The following PLIN2 variants were observed in gnomAD, a reference collection of about 807,000 sequenced individuals.
The protein encoded by PLIN2 is perilipin-2.
A neutral mutation model predicts 30.6 loss-of-function variants in PLIN2; 33 were observed. The observed-to-expected ratio is 1.08, with a 90% CI of 0.82 to 1.44. PLIN2 has a LOEUF of 1.44. Among genes scored for constraint, PLIN2 ranks in the 40% most tolerant of loss-of-function variants. The pLI is 0.00. For missense variants in PLIN2, 610 were observed against 531.8 expected, an observed-to-expected ratio of 1.15 and a Z score of -1.45; for synonymous variants, 205 against 201.1, an observed-to-expected ratio of 1.02 and a Z score of -0.16.
Position 19,120,956 on chromosome 9 carries a change from G to T in PLIN2, c.519C>A (p.Ser173Arg). The T allele has an allele frequency of 6.2e-7, 1 of 1,614,056 alleles. No individual in the cohort carries two copies. Among genetic ancestry groups the T allele is most frequent in the South Asian group, 1.1e-5 (1 of 91,080 alleles). ...TGGTGAGTGCATTTTCTACGCCACT[G>T]CTCACGAGCTGCATCATCCGACTCC... ...VLGSRMMQLV[S>R]SGVENALTKS... is the part of the protein sequence containing the mutation. The change falls in exon 5 of 8, where the codon AGC becomes AGA. Residue 173 changes from serine (S) to arginine (R), a missense_variant. By Grantham distance (110) the Ser-to-Arg change is moderately radical (BLOSUM62 -1). Coordinates refer to ENST00000276914, the MANE Select transcript of PLIN2 (RefSeq NM_001122.4).
At chr9:19,119,595 G>C (rs1213653733) in intron 6 of PLIN2, 55 bp downstream of exon 6, 1 of 1,011,548 alleles carries the variant, frequency 9.9e-7, no homozygotes, top group Non-Finnish European at 1.4e-6. Flanking sequence ...TTTAATTCTT[G>C]GGCCTAGAGA....
At position 19,120,247 on chromosome 9, in the gene PLIN2, C is replaced by T. The variant is rs1044261401; in HGVS notation, c.596-416G>A. The stretch of plus-strand genomic sequence containing the variant: ...CTAATTTTTGTGTTTTTTAGGGTTT[C>T]GCCATGTTGCCCAGGCTAATCTCAA... On this transcript the variant is annotated intron_variant, in intron 5 of 7. Transcript: ENST00000276914. Among the ~76,000 whole-genome samples, 17 of 151,806 alleles carry T rather than the reference C, an allele frequency of 1.1e-4. 1 individual carries two copies. The highest frequency in any genetic ancestry group is 1.5e-4 in the Non-Finnish European group (10 of 67,964).
At chr9:19,126,488 C>T in intron 1 of PLIN2, 40 bp from the exon 2 acceptor site, 2 of 1,318,318 alleles carry the variant, frequency 1.5e-6, no homozygotes, top group Non-Finnish European at 2.2e-6. Context: ...CGGGATAAGA[C>T]TCTCCCAAAT....
chr9:19,115,204 C>T (rs1277910577), downstream of PLIN2, among the ~76,000 whole-genome samples: 3 of 152,156 alleles, frequency 2.0e-5, no homozygotes, highest in Non-Finnish European at 4.4e-5. Context: ...GGCCAACTGT[C>T]ACCTAGTAAA....
chr9:19,123,632 G>A lies in PLIN2; in HGVS notation c.242C>T (p.Thr81Ile), dbSNP rs371665928. 4.0e-5 allele frequency: 65 copies of A among 1,613,694 alleles called. No individual in the cohort carries two copies. In the East Asian group the frequency reaches 5.3e-4, roughly 13 times the overall value. ...CCTGTCTAGCCCCTTACAGGCATAG[G>A]TATTGGCAACTGCAACTAGAATCAC... ...KLEPQIAVANTYACKGLDRIE... is the reference protein window; with the variant it reads ...KLEPQIAVANIYACKGLDRIE... The change falls in exon 4 of 8, where the codon ACC becomes ATC. Residue 81 changes from threonine (T) to isoleucine (I), a missense_variant. Physicochemically the swap from Thr to Ile is moderately conservative, Grantham distance 89. Coordinates refer to ENST00000276914, the MANE Select transcript of PLIN2 (RefSeq NM_001122.4).
intron 4 of PLIN2, among the ~76,000 whole-genome samples, chr9:19,121,609 C>A (rs142255826): frequency 3.2e-3 from 489 of 151,892 alleles, no homozygotes; most frequent in African/African-American, 0.011. Flanking sequence ...TCAAACTATA[C>A]CTGGCCCTCG....
downstream of PLIN2, among the ~76,000 whole-genome samples, chr9:19,111,326 GC>G (rs1165355304): frequency 1.3e-5 from 2 of 152,186 alleles, no homozygotes; most frequent in Admixed American, 6.6e-5. Flanking sequence ...AGGATTACAG[GC>G]ATGAGCCACC....
At chr9:19,112,475 G>A (rs987239133), downstream of PLIN2, among the ~76,000 whole-genome samples, 1 of 152,222 alleles carries the variant, frequency 6.6e-6, no homozygotes, top group South Asian at 2.1e-4. Flanking sequence ...TTGGCAGGCC[G>A]AGGTGAGTGG....
At chr9:19,121,522 AAAAAAAAAG>A (rs1818316758) in intron 4 of PLIN2, among the ~76,000 whole-genome samples, 1 of 133,146 alleles carries the variant, frequency 7.5e-6, no homozygotes, top group African/African-American at 2.9e-5. Context: ...AAGAGAAAAG[AAAAAAAAAG>A]AAAAGAAAAG....
intron 7 of PLIN2, 58 bp from the exon 8 acceptor site, chr9:19,116,707 C>T (rs774820648): frequency 2.7e-5 from 39 of 1,456,260 alleles, no homozygotes; most frequent in African/African-American, 4.2e-5. Flanking sequence ...TAAATTAGTT[C>T]GATGACAGTA....
At chr9:19,115,017 G>A (rs571777105), downstream of PLIN2, among the ~76,000 whole-genome samples, 4 of 152,176 alleles carry the variant, frequency 2.6e-5, no homozygotes, top group Admixed American at 6.5e-5. Context: ...TAGGACTCAC[G>A]CTTTAACTGG....
At chr9:19,109,451 G>A (rs1455316823) in intron 2 of PLIN2, among the ~76,000 whole-genome samples, 1 of 151,566 alleles carries the variant, frequency 6.6e-6, no homozygotes, top group Non-Finnish European at 1.5e-5. Flanking sequence ...TTACTCAGGA[G>A]GCTGAGGCAG....
chr9:19,108,778 A>T (rs1484342391), intron 2 of PLIN2: 1 of 152,648 alleles, frequency 6.6e-6, no homozygotes, highest in Non-Finnish European at 1.5e-5. Flanking sequence ...ATATTGAAAC[A>T]AACACCGATG....
At chr9:19,119,858 A>T in intron 5 of PLIN2, 27 bp from the exon 6 acceptor site, 1 of 1,479,980 alleles carries the variant, frequency 6.8e-7, no homozygotes, top group East Asian at 2.3e-5. Flanking sequence ...GAGACAAAAA[A>T]ACTTAAGGGA....
intron 4 of PLIN2, among the ~76,000 whole-genome samples, chr9:19,121,508 AGAG>A (rs1397385634): frequency 2.0e-5 from 3 of 149,320 alleles, no homozygotes; most frequent in African/African-American, 7.4e-5. Flanking sequence ...AAAAAAAAAA[AGAG>A]AAGAGAAAAG....
intron 7 of PLIN2, among the ~76,000 whole-genome samples, chr9:19,117,458 C>G (rs1588642947): frequency 2.0e-5 from 3 of 151,992 alleles, no homozygotes; most frequent in African/African-American, 7.3e-5. Flanking sequence ...TGCACCCAGC[C>G]AAGATGCTAT....
Position 19,118,177 on chromosome 9 carries a change from A to T in PLIN2, c.912+144T>A, listed in dbSNP as rs1342424686. 4 of 757,454 alleles carry T rather than the reference A, an allele frequency of 5.3e-6. No individual in the cohort carries two copies. In the African/African-American group the frequency reaches 7.1e-5, roughly 13 times the overall value. The allele number at this position is 757,454 out of a possible 1,614,324, so 46.9% of individuals were successfully genotyped here. A position where few individuals can be genotyped will look rare whatever the true frequency, so the allele number is the denominator to read the frequency against. On this transcript the variant is annotated intron_variant, in intron 7 of 7. Transcript: ENST00000276914. ...CGCTGCCTAGTTTTGCTTTTCTGCCACATAACTAGCCACCTATGTACATGG... is the reference window on the plus strand; with the variant it reads ...CGCTGCCTAGTTTTGCTTTTCTGCCTCATAACTAGCCACCTATGTACATGG...
rs769236922 is a variant in PLIN2, at chr9:19,119,721, G to C, written c.706C>G (p.Leu236Val). 2.1e-5 allele frequency: 34 copies of C among 1,612,684 alleles called. No individual in the cohort carries two copies. Among genetic ancestry groups the C allele is most frequent in the African/African-American group, 2.7e-5 (2 of 74,902 alleles). ...TGCTTAGCTTCTTTAACCCTGCTGA[G>C]AGCCTGCTGGTAGGCACGGGAGTGA... ...KLHSRAYQQA[L>V]SRVKEAKQKS... is the part of the protein sequence containing the mutation. Residue 236 changes from leucine (L) to valine (V), a missense_variant, in exon 6 of 8, where the codon CTC (leucine) becomes GTC (valine). Physicochemically the swap from Leu to Val is conservative, Grantham distance 32. Coordinates refer to ENST00000276914, the MANE Select transcript of PLIN2 (RefSeq NM_001122.4).
At chr9:19,110,712 G>A (rs1205563947) in intron 2 of PLIN2, among the ~76,000 whole-genome samples, 1 of 152,126 alleles carries the variant, frequency 6.6e-6, no homozygotes, top group Non-Finnish European at 1.5e-5. Context: ...CTGACCTCAG[G>A]TGATCCACCC....
Sources: allele counts gnomAD v4.1 joint callset (sites outside exome capture counted in the v4.1 genomes callset), GRCh38; gene constraint gnomAD v4.1.1; transcripts MANE v1.5; gene names NCBI Gene and HGNC (gene_info 2026-07-23, HGNC 2026-07-21).